The following WDFY3 variants were observed in gnomAD, a reference collection of about 807,000 sequenced individuals.
WDFY3 encodes the protein WD repeat and FYVE domain-containing protein 3.
A neutral mutation model predicts 409.6 loss-of-function variants in WDFY3; 66 were observed. The observed-to-expected ratio is 0.16, with a 90% confidence interval of 0.13 to 0.20. The LOEUF (loss-of-function observed/expected upper bound fraction) is 0.20, where lower values mean the gene tolerates loss of function less well. Ranked by LOEUF, WDFY3 falls within the 10% of genes least tolerant of loss-of-function variation. WDFY3 has a pLI of 1.00. For synonymous variants in WDFY3, 1,521 were observed against 1,537.1 expected (o/e 0.99, Z 0.25); for missense variants, 3,031 against 4,298.1 (o/e 0.71, Z 8.24).
chr4:84,933,187 C>T (rs1770985620), intron 1 of WDFY3, among the ~76,000 whole-genome samples: 1 of 152,030 alleles, frequency 6.6e-6, no homozygotes. Context: ...TGTTATGTAA[C>T]TTTATTTGTT....
intron 2 of WDFY3, among the ~76,000 whole-genome samples, chr4:84,904,749 T>C (rs920812376): frequency 6.6e-6 from 1 of 152,194 alleles, no homozygotes; most frequent in African/African-American, 2.4e-5. Flanking sequence ...TCTACAACTT[T>C]AAATACCATC....
intron 56 of WDFY3, 53 bp from the exon 57 acceptor site, chr4:84,696,876 G>C (rs1303618116): frequency 8.7e-6 from 13 of 1,490,244 alleles, no homozygotes; most frequent in Non-Finnish European, 1.2e-5. Flanking sequence ...GGGATAAATG[G>C]TAACTTTATA....
chr4:84,913,210 A>G (rs1446335826), intron 2 of WDFY3, among the ~76,000 whole-genome samples: 1 of 152,164 alleles, frequency 6.6e-6, no homozygotes, highest in Non-Finnish European at 1.5e-5. Context: ...TCACTACTCT[A>G]TGGAAAGGAT....
chr4:84,948,090 T>C (rs997803107), intron 1 of WDFY3, among the ~76,000 whole-genome samples: 26 of 152,268 alleles, frequency 1.7e-4, no homozygotes, highest in African/African-American at 6.3e-4. Context: ...TTATAGGAAG[T>C]AAATGAAAGG....
At chr4:84,715,244 C>A in intron 50 of WDFY3, 54 bp downstream of exon 50, 2 of 964,742 alleles carry the variant, frequency 2.1e-6, no homozygotes, top group East Asian at 2.6e-5. Flanking sequence ...AGAAAAGATT[C>A]CCCCTCCCAT....
chr4:84,842,491 A>T (rs556982699), intron 5 of WDFY3, among the ~76,000 whole-genome samples: 224 of 151,424 alleles, frequency 1.5e-3, no homozygotes, highest in African/African-American at 5.0e-3. Flanking sequence ...AAAAAAAAAG[A>T]AGTAAGTCTA....
chr4:84,692,984 C>T lies in WDFY3; in HGVS notation c.8950G>A (p.Gly2984Arg), dbSNP rs1306934746. 6.2e-7 allele frequency: 1 copy of T among 1,611,910 alleles called. No individual in the cohort carries two copies. Among genetic ancestry groups the T allele is most frequent in the East Asian group, 2.2e-5 (1 of 44,848 alleles). Residue 2984 changes from glycine to arginine, a missense_variant, in exon 59 of 68, where the codon GGA becomes AGA. By Grantham distance (125) the Gly-to-Arg change is moderately radical. Transcript: ENST00000295888. ...PPKRVRSRLNGDNAGISVLPG... is the reference protein window; with the variant it reads ...PPKRVRSRLNRDNAGISVLPG... Reference sequence around the variant, plus strand: ...AGGACAGAGATTCCTGCATTGTCTCCATTGAGTCGACTTCTCACTCGCTTT... The same window carrying T: ...AGGACAGAGATTCCTGCATTGTCTCTATTGAGTCGACTTCTCACTCGCTTT...
Position 84,925,133 on chromosome 4 carries a change from C to T in WDFY3, c.-132+7137G>A, listed in dbSNP as rs1025701155. Among the ~76,000 whole-genome samples, 3 of 152,120 alleles carry T rather than the reference C, an allele frequency of 2.0e-5. No homozygotes were observed. In the South Asian group the frequency reaches 6.2e-4, roughly 32 times the overall value. ...AGGACTGTGATTTCCAAGTCTCTTCCCTCTTTATTAAGTAACTCACCTAGC... is the reference window on the plus strand; with the variant it reads ...AGGACTGTGATTTCCAAGTCTCTTCTCTCTTTATTAAGTAACTCACCTAGC... On this transcript the variant is annotated intron_variant, in intron 2 of 67. Transcript: ENST00000295888.
intron 2 of WDFY3, among the ~76,000 whole-genome samples, chr4:84,900,998 ACTTGTCTGGTGAGGGCTGCTCTCT>A (rs1363032730): frequency 6.6e-6 from 1 of 152,188 alleles, no homozygotes; most frequent in Non-Finnish European, 1.5e-5. Context: ...TGGCCGGTTC[ACTTGTCTGGTGAGGGCTGCTCTCT>A]GCTTCCAAGA....
chr4:84,948,539 C>T (rs1773194190), intron 1 of WDFY3, among the ~76,000 whole-genome samples: 1 of 152,168 alleles, frequency 6.6e-6, no homozygotes, highest in Non-Finnish European at 1.5e-5. Flanking sequence ...CCAATACGGA[C>T]TTGTGATAGA....
intron 67 of WDFY3, among the ~76,000 whole-genome samples, chr4:84,675,187 C>G (rs1265804316): frequency 6.6e-6 from 1 of 152,004 alleles, no homozygotes; most frequent in African/African-American, 2.4e-5. Flanking sequence ...AACTCCTGAC[C>G]TCAGGTGATC....
chr4:84,737,463 A>C (rs538709355), intron 40 of WDFY3, 97 bp from the exon 41 acceptor site: 6 of 1,333,808 alleles, frequency 4.5e-6, no homozygotes, highest in Non-Finnish European at 5.9e-6. Context: ...ACATGTGGGA[A>C]TTTCGACTAC....
Position 84,829,175 on chromosome 4 carries a change from G to T in WDFY3, c.785C>A (p.Ser262Tyr). 1 of 1,581,576 alleles carries T rather than the reference G, an allele frequency of 6.3e-7. No homozygotes were observed. The highest frequency in any genetic ancestry group is 8.6e-7 in the Non-Finnish European group (1 of 1,162,204). Reference sequence around the variant, plus strand: ...TTGCTGCATATTCTGAACACATGTAGATAAACACTCTTTCTCTGTAAGAAT... The same window carrying T: ...TTGCTGCATATTCTGAACACATGTATATAAACACTCTTTCTCTGTAAGAAT... ...VKYIHEKECL[S>Y]TCVQNMQQSD... Residue 262 changes from serine (S) to tyrosine (Y), a missense_variant, in exon 9 of 68, where the codon TCT (serine) becomes TAT (tyrosine). Physicochemically the swap from Ser to Tyr is moderately radical, Grantham distance 144. This residue lies in a region of WDFY3 where 1,322 missense variants were observed against 1,697.9 expected (regional missense o/e 0.78). Transcript: ENST00000295888.
intron 1 of WDFY3, among the ~76,000 whole-genome samples, chr4:84,947,666 T>C: frequency 1.4e-5 from 2 of 140,852 alleles, no homozygotes; most frequent in East Asian, 2.1e-4. Flanking sequence ...AGTCCAGGAG[T>C]TCAAGACCAG....
intron 15 of WDFY3, among the ~76,000 whole-genome samples, chr4:84,806,172 G>A (rs937147072): frequency 6.6e-6 from 1 of 152,106 alleles, no homozygotes; most frequent in Non-Finnish European, 1.5e-5. Context: ...TTTGTTGAGA[G>A]GTTCTAGAAA....
At chr4:84,744,709 C>T (rs868373249) in intron 36 of WDFY3, among the ~76,000 whole-genome samples, 7 of 150,408 alleles carry the variant, frequency 4.7e-5, no homozygotes, top group Admixed American at 6.6e-5. Context: ...AAAAATTAGC[C>T]GGGCGTAGTG....
At chr4:84,921,817 C>T (rs1008807988) in intron 2 of WDFY3, among the ~76,000 whole-genome samples, 1 of 151,430 alleles carries the variant, frequency 6.6e-6, no homozygotes, top group African/African-American at 2.4e-5. Context: ...CCACCACGCC[C>T]GGCTAATTTT....
chr4:84,918,610 A>T (rs950074803), intron 2 of WDFY3, among the ~76,000 whole-genome samples: 3 of 152,042 alleles, frequency 2.0e-5, no homozygotes, highest in African/African-American at 7.2e-5. Flanking sequence ...ACAATTCTGA[A>T]ACCATTTTAG....
intron 5 of WDFY3, among the ~76,000 whole-genome samples, chr4:84,845,190 G>A (rs1356702727): frequency 6.6e-6 from 1 of 152,244 alleles, no homozygotes; most frequent in Non-Finnish European, 1.5e-5. Context: ...ATTCAGAGGG[G>A]TACTGGAAGA....
Sources: gnomAD v4.1 joint callset for allele counts (sites outside exome capture counted in the v4.1 genomes callset) on GRCh38, gnomAD v4.1.1 for gene constraint, gnomAD v4.1.1 regional missense constraint, MANE v1.5 for transcripts, NCBI Gene and HGNC (gene_info 2026-07-23, HGNC 2026-07-21) for gene names.